AGMO: variants seen among roughly 807,000 people sequenced by gnomAD.
AGMO encodes the protein alkylglycerol monooxygenase.
A neutral mutation model predicts 60.2 loss-of-function variants in AGMO; 75 were observed. The ratio of observed to expected loss-of-function variants is 1.25; its 90% CI spans 1.03 to 1.51. AGMO has a LOEUF of 1.51. AGMO is among the 40% of genes most tolerant of loss of function. The pLI is 0.00. For synonymous variants in AGMO, 261 were observed against 177.1 expected (o/e 1.47, Z -3.76); for missense variants, 763 against 525.5 (o/e 1.45, Z -4.42).
chr7:15,351,883 A>G (rs763460720), intron 12 of AGMO, among the ~76,000 whole-genome samples: 2 of 148,814 alleles, frequency 1.3e-5, no homozygotes, highest in Non-Finnish European at 3.0e-5. Flanking sequence ...GAATAGCACT[A>G]TGGATTATGA....
chr7:15,329,190 C>G (rs542266435), intron 12 of AGMO, among the ~76,000 whole-genome samples: 31 of 152,300 alleles, frequency 2.0e-4, no homozygotes, highest in African/African-American at 7.0e-4. Flanking sequence ...GTAAACTCCT[C>G]AGGGGCTTCG....
At chr7:15,327,654 T>A (rs1781380934) in intron 12 of AGMO, among the ~76,000 whole-genome samples, 1 of 151,860 alleles carries the variant, frequency 6.6e-6, no homozygotes, top group Non-Finnish European at 1.5e-5. Context: ...TATAGGAAGG[T>A]TATTTACGTT....
At chr7:15,211,293 A>AAATTAAAAG in intron 12 of AGMO, among the ~76,000 whole-genome samples, 1 of 152,158 alleles carries the variant, frequency 6.6e-6, no homozygotes. Context: ...TAAAAGACTC[A>AAATTAAAAG]AATTAAAAGT....
intron 3 of AGMO, among the ~76,000 whole-genome samples, chr7:15,487,015 T>G (rs1379852744): frequency 6.6e-6 from 1 of 152,192 alleles, no homozygotes; most frequent in East Asian, 1.9e-4. Flanking sequence ...GGAAGAGCTG[T>G]TAAAAAACAT....
intron 3 of AGMO, among the ~76,000 whole-genome samples, chr7:15,508,629 T>A (rs1171016639): frequency 6.6e-6 from 1 of 151,968 alleles, no homozygotes; most frequent in Non-Finnish European, 1.5e-5. Flanking sequence ...CCAGGGAAAG[T>A]TCACCAATAA....
At chr7:15,248,938 T>C (rs1435279052) in intron 12 of AGMO, among the ~76,000 whole-genome samples, 1 of 152,186 alleles carries the variant, frequency 6.6e-6, no homozygotes, top group South Asian at 2.1e-4. Flanking sequence ...AGTTCTTTCT[T>C]TGATAAAAAG....
chr7:15,187,747 C>T, the AGMO span, among the ~76,000 whole-genome samples: 1 of 152,110 alleles, frequency 6.6e-6, no homozygotes, highest in Non-Finnish European at 1.5e-5. Context: ...AAGCCCAGAG[C>T]TCATTCACCA....
At chr7:15,258,085 T>C (rs1366320430) in intron 12 of AGMO, among the ~76,000 whole-genome samples, 1 of 152,204 alleles carries the variant, frequency 6.6e-6, no homozygotes, top group Non-Finnish European at 1.5e-5. Flanking sequence ...TGCCATCTTA[T>C]AACAACACTA....
At chr7:15,298,777 T>C (rs991131393) in intron 12 of AGMO, among the ~76,000 whole-genome samples, 2 of 152,166 alleles carry the variant, frequency 1.3e-5, no homozygotes, top group Non-Finnish European at 2.9e-5. Flanking sequence ...TCCAATCTAA[T>C]AGAGAAACAA....
chr7:15,248,183 T>C (rs1174765169), intron 12 of AGMO, among the ~76,000 whole-genome samples: 2 of 36,470 alleles, frequency 5.5e-5, no homozygotes. Context: ...CAGCACCATA[T>C]ATATATATAT....
At chr7:15,353,357 T>C (rs1417479249) in intron 12 of AGMO, among the ~76,000 whole-genome samples, 1 of 152,180 alleles carries the variant, frequency 6.6e-6, no homozygotes, top group African/African-American at 2.4e-5. Context: ...AAATCTCTTT[T>C]TATCCAAACA....
At position 15,479,741 on chromosome 7, in the gene AGMO, A is replaced by G. The variant is rs1196628791; in HGVS notation, c.410-48633T>C. 3.9e-5 allele frequency among the ~76,000 whole-genome samples: 6 copies of G among 152,278 alleles called. No homozygotes were observed. The East Asian group carries it at 1.2e-3, about 30-fold the overall frequency. On this transcript the variant is annotated intron_variant, in intron 3 of 12. Transcript: ENST00000342526. Reference sequence around the variant, plus strand: ...TTGTGCCAGGGTTGTGCTAAATGCAAGGGATACAAAACTGAAGAGGACATG... The same window carrying G: ...TTGTGCCAGGGTTGTGCTAAATGCAGGGGATACAAAACTGAAGAGGACATG...
At chr7:15,386,527 A>C (rs1783920565) in intron 9 of AGMO, among the ~76,000 whole-genome samples, 1 of 152,226 alleles carries the variant, frequency 6.6e-6, no homozygotes, top group South Asian at 2.1e-4. Flanking sequence ...ATTGTTGCAC[A>C]ATGAATTGTG....
intron 12 of AGMO, among the ~76,000 whole-genome samples, chr7:15,256,464 T>C (rs1382165253): frequency 6.6e-6 from 1 of 152,142 alleles, no homozygotes; most frequent in African/African-American, 2.4e-5. Flanking sequence ...TGCCTCAGCC[T>C]CCCGAGTAGC....
the AGMO span, among the ~76,000 whole-genome samples, chr7:15,167,360 T>C: frequency 6.6e-6 from 1 of 152,194 alleles, no homozygotes; most frequent in Non-Finnish European, 1.5e-5. Context: ...AAATAGCTTC[T>C]TTCGGACTTT....
the AGMO span, among the ~76,000 whole-genome samples, chr7:15,130,752 TAC>T: frequency 6.6e-6 from 1 of 152,130 alleles, no homozygotes; most frequent in Non-Finnish European, 1.5e-5. Context: ...AGTGAGAAAA[TAC>T]AGTGTTGAAA....
intron 10 of AGMO, among the ~76,000 whole-genome samples, chr7:15,382,427 C>A (rs1430698195): frequency 6.6e-6 from 1 of 152,112 alleles, no homozygotes; most frequent in African/African-American, 2.4e-5. Flanking sequence ...TGGTTAAATT[C>A]ATGACCTGAT....
chr7:15,138,885 G>A, the AGMO span, among the ~76,000 whole-genome samples: 1,755 of 152,058 alleles, frequency 0.012, 34 homozygotes, highest in African/African-American at 0.04. Flanking sequence ...CAATGTTATT[G>A]GGTAGTGTTT....
chr7:15,366,663 G>C (rs1391677207), intron 10 of AGMO, among the ~76,000 whole-genome samples: 2 of 151,952 alleles, frequency 1.3e-5, no homozygotes, highest in Non-Finnish European at 2.9e-5. Flanking sequence ...CTGTGTTTAT[G>C]AGTGAAAACA....
Sources: gnomAD v4.1 joint callset for allele counts (sites outside exome capture counted in the v4.1 genomes callset) on GRCh38, gnomAD v4.1.1 for gene constraint, MANE v1.5 for transcripts, NCBI Gene and HGNC (gene_info 2026-07-23, HGNC 2026-07-21) for gene names.